BBS7: variants seen among roughly 807,000 people sequenced by gnomAD.
BBS7 encodes the protein BBSome complex member BBS7.
Under a neutral mutation model 90.3 loss-of-function variants are expected in BBS7, and 50 were observed. That is an observed-to-expected ratio of 0.55 (90% confidence interval 0.44 to 0.70). The LOEUF is 0.70. Ranked by LOEUF, BBS7 falls within the 30% of genes least tolerant of loss-of-function variation. The probability of loss-of-function intolerance (pLI) is 0.00; values close to 1 mark genes in which losing one functional copy is unlikely to be tolerated. For missense variants in BBS7, 729 were observed against 838.9 expected (o/e 0.87, Z 1.62); for synonymous variants, 235 against 287.4 (o/e 0.82, Z 1.85).
intron 5 of BBS7, chr4:121,858,626 C>A (rs1026684914): frequency 1.3e-5 from 3 of 224,640 alleles, no homozygotes; most frequent in East Asian, 2.5e-4. Flanking sequence ...ATCCTCCCTC[C>A]AACCCAATTT....
intron 18 of BBS7, among the ~76,000 whole-genome samples, chr4:121,827,317 C>T (rs1724959694): frequency 6.6e-6 from 1 of 152,080 alleles, no homozygotes; most frequent in Non-Finnish European, 1.5e-5. Context: ...CTAGTGATAC[C>T]AATTGGCTCT....
Position 121,835,254 on chromosome 4 carries a change from T to G in BBS7, c.1401A>C (p.Thr467=), listed in dbSNP as rs1266954149. 1 of 1,613,746 alleles carries G rather than the reference T, an allele frequency of 6.2e-7. No homozygotes were observed. Residue 467 remains threonine (T), a synonymous_variant, in exon 14 of 19, where the codon ACA becomes ACC. Transcript: ENST00000264499. The stretch of plus-strand genomic sequence containing the variant: ...TTCTTGGAGTCACATATGCTTGTAG[T>G]GTGCCATACTGGCCTTCAATTGAGC... ...KIRSIEGQYG[T]LQAYVTPRIQ... is the part of the protein sequence containing the mutation.
At chr4:121,853,212 A>C (rs1726418609) in intron 7 of BBS7, 126 bp from the exon 8 acceptor site, 2 of 884,298 alleles carry the variant, frequency 2.3e-6, no homozygotes, top group East Asian at 5.3e-5. Flanking sequence ...TTTGACCAAA[A>C]TCAAGTGCTC....
At chr4:121,835,012 A>G (rs956407690) in intron 14 of BBS7, 132 bp downstream of exon 14, 1 of 859,358 alleles carries the variant, frequency 1.2e-6, no homozygotes, top group Non-Finnish European at 1.7e-6. Context: ...TATTAAATCT[A>G]TAATATTTAA....
chr4:121,843,448 A>G (rs1725844697), intron 12 of BBS7, among the ~76,000 whole-genome samples: 1 of 152,196 alleles, frequency 6.6e-6, no homozygotes, highest in Non-Finnish European at 1.5e-5. Context: ...TATGAAAGCC[A>G]TGGAGGTAGA....
intron 12 of BBS7, among the ~76,000 whole-genome samples, chr4:121,842,791 AT>A (rs1421321920): frequency 6.6e-6 from 1 of 152,200 alleles, no homozygotes; most frequent in Non-Finnish European, 1.5e-5. Flanking sequence ...AATGCAATTA[AT>A]CCAAACCTTA....
At chr4:121,855,324 G>GA (rs1196462053) in intron 6 of BBS7, 165 bp downstream of exon 6, 3 of 656,444 alleles carry the variant, frequency 4.6e-6, no homozygotes, top group South Asian at 1.6e-5. Context: ...CCCCAAAAAA[G>GA]AAAAAAACGG....
At chr4:121,840,262 G>A (rs1725672617) in intron 12 of BBS7, among the ~76,000 whole-genome samples, 1 of 152,208 alleles carries the variant, frequency 6.6e-6, no homozygotes, top group Non-Finnish European at 1.5e-5. Context: ...GCCGCCATGT[G>A]AGATGTGCCT....
intron 15 of BBS7, among the ~76,000 whole-genome samples, chr4:121,831,723 T>C (rs182762042): frequency 6.6e-6 from 1 of 152,236 alleles, no homozygotes; most frequent in East Asian, 1.9e-4. Flanking sequence ...CTCCACAGAA[T>C]GGATGTTAAA....
In BBS7 at chr4:121,828,512, G is replaced by A. The variant is rs757732905; in HGVS notation, c.1787-7C>T. On this transcript the variant is annotated splice_region_variant and splice_polypyrimidine_tract_variant and intron_variant, in intron 16 of 18. Transcript: ENST00000264499. ...ACTGATACTTCATTTATCTCTAGAAGGAGTTGACCAGATGCAGTTAGATAA... is the reference window on the plus strand; with the variant it reads ...ACTGATACTTCATTTATCTCTAGAAAGAGTTGACCAGATGCAGTTAGATAA... 2.5e-6 allele frequency: 4 copies of A among 1,607,102 alleles called. No individual in the cohort carries two copies. Among genetic ancestry groups the A allele is most frequent in the South Asian group, 1.1e-5 (1 of 90,938 alleles).
Position 121,861,567 on chromosome 4 carries a change from A to C in BBS7, c.278T>G (p.Phe93Cys). 6.2e-7 allele frequency: 1 copy of C among 1,613,794 alleles called. No homozygotes were observed. The highest frequency in any genetic ancestry group is 1.7e-4 in the Middle Eastern group (1 of 6,060). The change falls in exon 4 of 19, where the codon TTC (phenylalanine) becomes TGC (cysteine). Residue 93 changes from phenylalanine (F) to cysteine (C), a missense_variant. Coordinates refer to ENST00000264499, the MANE Select transcript of BBS7 (RefSeq NM_176824.3). Reference sequence around the variant, plus strand: ...GAGGAACTGTTTTCCTCTTTTTGTGAAGCCTCTAATCTCAGATGCTGCAGC... The same window carrying C: ...GAGGAACTGTTTTCCTCTTTTTGTGCAGCCTCTAATCTCAGATGCTGCAGC... ...FIAAASEIRG[F>C]TKRGKQFLSF...
At chr4:121,829,442 T>G (rs1043105326) in intron 15 of BBS7, among the ~76,000 whole-genome samples, 1 of 152,190 alleles carries the variant, frequency 6.6e-6, no homozygotes, top group Non-Finnish European at 1.5e-5. Flanking sequence ...CTCACCATGT[T>G]GGCCAGGATG....
intron 11 of BBS7, 103 bp downstream of exon 11, chr4:121,845,401 A>C (rs1001583435): frequency 3.4e-5 from 22 of 651,494 alleles, no homozygotes; most frequent in Non-Finnish European, 5.3e-5. Flanking sequence ...AATAAAATAA[A>C]ATTACTGTCT....
intron 11 of BBS7, 43 bp downstream of exon 11, chr4:121,845,461 A>T: frequency 6.7e-7 from 1 of 1,482,266 alleles, no homozygotes; most frequent in Non-Finnish European, 9.4e-7. Flanking sequence ...GGTTTGCAAA[A>T]TAGATCCAGT....
In BBS7 at chr4:121,825,773, A is replaced by T; in HGVS notation, c.*87T>A. 7.5e-7 allele frequency: 1 copy of T among 1,329,540 alleles called. No individual in the cohort carries two copies. The highest frequency in any genetic ancestry group is 1.0e-6 in the Non-Finnish European group (1 of 965,828). 82.4% of individuals were successfully genotyped at this position (1,329,540 alleles called of 1,614,324 possible). A position where few individuals can be genotyped will look rare whatever the true frequency, so the allele number is the denominator to read the frequency against. The stretch of plus-strand genomic sequence containing the variant: ...AGATATAAAAAAGCATTTGAAATTA[A>T]AGTACATACACAGTTAACTTCTAAT... On this transcript the variant is annotated 3_prime_UTR_variant, in exon 19 of 19. Transcript: ENST00000264499.
intron 18 of BBS7, among the ~76,000 whole-genome samples, chr4:121,827,180 A>G (rs1234362701): frequency 6.6e-6 from 1 of 152,228 alleles, no homozygotes; most frequent in Non-Finnish European, 1.5e-5. Flanking sequence ...AGTTATTATA[A>G]GGATAAAAGA....
At position 121,866,524 on chromosome 4, in the gene BBS7, C is replaced by A. The variant is rs552442340; in HGVS notation, c.102+1457G>T. Among the ~76,000 whole-genome samples, 90 of 152,224 alleles carry A rather than the reference C, an allele frequency of 5.9e-4. 1 individual carries two copies. Among genetic ancestry groups the A allele is most frequent in the African/African-American group, 2.1e-3 (86 of 41,544 alleles). On this transcript the variant is annotated intron_variant, in intron 2 of 18. Transcript: ENST00000264499. Reference sequence around the variant, plus strand: ...AAGTGATCCACTCGCCTTGGCCTCCCAAACTGCAGGGATTACAAGTGTGAG... The same window carrying A: ...AAGTGATCCACTCGCCTTGGCCTCCAAAACTGCAGGGATTACAAGTGTGAG...
intron 5 of BBS7, among the ~76,000 whole-genome samples, chr4:121,857,696 G>C (rs1315866930): frequency 6.6e-6 from 1 of 151,960 alleles, no homozygotes; most frequent in Non-Finnish European, 1.5e-5. Flanking sequence ...ATTTCTAATT[G>C]AATGCTAAAC....
At chr4:121,837,807 A>T (rs1433894280) in intron 13 of BBS7, among the ~76,000 whole-genome samples, 5 of 152,104 alleles carry the variant, frequency 3.3e-5, no homozygotes, top group African/African-American at 1.2e-4. Context: ...ATATCCAATT[A>T]AAAAAAGAGG....
Sources: gnomAD v4.1 joint callset for allele counts (sites outside exome capture counted in the v4.1 genomes callset) on GRCh38, gnomAD v4.1.1 for gene constraint, MANE v1.5 for transcripts, NCBI Gene and HGNC (gene_info 2026-07-23, HGNC 2026-07-21) for gene names.